GRIN2A: variants seen among roughly 807,000 people sequenced by gnomAD.
GRIN2A encodes glutamate receptor ionotropic, NMDA 2A.
A neutral mutation model predicts 113.4 loss-of-function variants in GRIN2A; 22 were observed. The ratio of observed to expected loss-of-function variants is 0.19; its 90% CI spans 0.14 to 0.28. The LOEUF (loss-of-function observed/expected upper bound fraction) is 0.28, where lower values mean the gene tolerates loss of function less well. Ranked by LOEUF, GRIN2A falls within the 10% of genes least tolerant of loss-of-function variation. The pLI is 1.00. For synonymous variants in GRIN2A, 827 were observed against 738.4 expected (o/e 1.12, Z -1.94); for missense variants, 1,502 against 1,887.0 (o/e 0.80, Z 3.78).
intron 2 of GRIN2A, among the ~76,000 whole-genome samples, chr16:10,035,666 T>C (rs534852645): frequency 6.6e-6 from 1 of 151,188 alleles, no homozygotes; most frequent in South Asian, 2.1e-4. Context: ...TCCCAAGTGA[T>C]GCTGATGCTG....
chr16:9,849,917 C>T lies in GRIN2A; in HGVS notation c.1167G>A (p.Val389=). The stretch of plus-strand genomic sequence containing the variant: ...CGGAGAAGGACTTGTACCTGGGCCA[C>T]ACGGCGTGCCTCAGGCTCAGCGTAT... ...ENHTLSLRHA[V]WPRYKSFSDC... Residue 389 remains valine (V), a synonymous_variant, in exon 5 of 13, where the codon GTG becomes GTA. Coordinates refer to ENST00000330684, the MANE Select transcript of GRIN2A (RefSeq NM_001134407.3). 2 of 1,614,092 alleles carry T rather than the reference C, an allele frequency of 1.2e-6. No individual in the cohort carries two copies. The highest frequency in any genetic ancestry group is 1.7e-6 in the Non-Finnish European group (2 of 1,179,988).
chr16:9,795,683 A>C (rs1219342300), intron 11 of GRIN2A, among the ~76,000 whole-genome samples: 1 of 152,148 alleles, frequency 6.6e-6, no homozygotes, highest in African/African-American at 2.4e-5. Context: ...TGCACTTTAC[A>C]TGTATTCTCC....
At chr16:9,990,935 C>T (rs941306740) in intron 2 of GRIN2A, among the ~76,000 whole-genome samples, 3 of 151,922 alleles carry the variant, frequency 2.0e-5, no homozygotes, top group East Asian at 1.9e-4. Flanking sequence ...GGCATGGTTG[C>T]GGGTACCTGT....
intron 2 of GRIN2A, among the ~76,000 whole-genome samples, chr16:10,015,407 T>A (rs2141880737): frequency 6.6e-6 from 1 of 152,126 alleles, no homozygotes; most frequent in East Asian, 1.9e-4. Context: ...CAGATCTAAG[T>A]ACAGAGACCT....
intron 2 of GRIN2A, among the ~76,000 whole-genome samples, chr16:10,078,290 G>C (rs1177913779): frequency 3.9e-5 from 6 of 151,998 alleles, no homozygotes; most frequent in Non-Finnish European, 7.4e-5. Context: ...CCAAGTGCCT[G>C]GAACCGTGCT....
intron 2 of GRIN2A, among the ~76,000 whole-genome samples, chr16:10,154,087 C>A (rs970387263): frequency 5.9e-5 from 9 of 152,296 alleles, no homozygotes; most frequent in Middle Eastern, 3.4e-3. Flanking sequence ...AGAGCCCTTT[C>A]CTGGCCCCTT....
chr16:9,825,867 C>A (rs2042378890), intron 9 of GRIN2A, among the ~76,000 whole-genome samples: 1 of 152,050 alleles, frequency 6.6e-6, no homozygotes, highest in Non-Finnish European at 1.5e-5. Flanking sequence ...TGCCTCAATT[C>A]CCTCCATTGG....
rs569675640 is a variant in GRIN2A at position 9,874,086 on chromosome 16, G to C, written c.1122+16900C>G. ...TTTTTTTCTCATGGGCATTTCCAACGGAGTCTTTCTTCACATCCAGGGAAG... is the reference window on the plus strand; with the variant it reads ...TTTTTTTCTCATGGGCATTTCCAACCGAGTCTTTCTTCACATCCAGGGAAG... On this transcript the variant is annotated intron_variant, in intron 4 of 12. Coordinates refer to ENST00000330684, the MANE Select transcript of GRIN2A (RefSeq NM_001134407.3). Among the ~76,000 whole-genome samples the C allele has an allele frequency of 5.3e-5, 8 of 152,160 alleles. 1 individual carries two copies. In the South Asian group the frequency reaches 1.7e-3, roughly 32 times the overall value.
At chr16:9,905,821 T>C (rs2044017578) in intron 3 of GRIN2A, among the ~76,000 whole-genome samples, 1 of 152,222 alleles carries the variant, frequency 6.6e-6, no homozygotes, top group Non-Finnish European at 1.5e-5. Flanking sequence ...TGAAAGTTGA[T>C]AGGTAAGACA....
At chr16:10,144,154 T>C (rs2049384212) in intron 2 of GRIN2A, among the ~76,000 whole-genome samples, 1 of 152,152 alleles carries the variant, frequency 6.6e-6, no homozygotes, top group Admixed American at 6.5e-5. Flanking sequence ...TGCTATTACT[T>C]TTAATTGCAA....
intron 2 of GRIN2A, among the ~76,000 whole-genome samples, chr16:10,072,227 A>G (rs2047766997): frequency 6.6e-6 from 1 of 152,172 alleles, no homozygotes; most frequent in South Asian, 2.1e-4. Flanking sequence ...GCTGGTAGGG[A>G]AATTGGAGGT....
intron 10 of GRIN2A, among the ~76,000 whole-genome samples, chr16:9,804,411 C>A (rs754467663): frequency 6.6e-6 from 1 of 151,958 alleles, no homozygotes; most frequent in Non-Finnish European, 1.5e-5. Context: ...CTAAGGGAAC[C>A]CATTTACTCT....
At chr16:9,875,813 T>C (rs1436421821) in intron 4 of GRIN2A, among the ~76,000 whole-genome samples, 1 of 152,190 alleles carries the variant, frequency 6.6e-6, no homozygotes, top group Non-Finnish European at 1.5e-5. Flanking sequence ...GGTCCTAACT[T>C]AGGTCTTTCA....
At chr16:9,946,921 CA>C (rs746692602) in intron 2 of GRIN2A, among the ~76,000 whole-genome samples, 6 of 152,216 alleles carry the variant, frequency 3.9e-5, no homozygotes, top group Admixed American at 6.5e-5. Context: ...CACCTGAAGA[CA>C]AATTCTCTTG....
At chr16:9,890,568 A>G (rs551742190) in intron 4 of GRIN2A, among the ~76,000 whole-genome samples, 2 of 152,372 alleles carry the variant, frequency 1.3e-5, no homozygotes, top group African/African-American at 2.4e-5. Flanking sequence ...TATTTAAAGC[A>G]AAAGACTGAG....
intron 4 of GRIN2A, among the ~76,000 whole-genome samples, chr16:9,858,882 G>A (rs1325187955): frequency 3.9e-5 from 6 of 152,284 alleles, no homozygotes; most frequent in East Asian, 1.9e-4. Flanking sequence ...ATAGATGTGC[G>A]TGGCTCTTTC....
At chr16:9,887,318 G>C (rs907831874) in intron 4 of GRIN2A, among the ~76,000 whole-genome samples, 1 of 152,240 alleles carries the variant, frequency 6.6e-6, no homozygotes, top group East Asian at 1.9e-4. Context: ...AAAATTCCCT[G>C]TGCCCCTGTC....
In GRIN2A at chr16:9,760,683, C is replaced by G. The variant is rs1900543968; in HGVS notation, c.*2466G>C. On this transcript the variant is annotated 3_prime_UTR_variant, in exon 13 of 13. Coordinates refer to ENST00000330684, the MANE Select transcript of GRIN2A (RefSeq NM_001134407.3). ...TATAACTCTCACTCTCCCTGGAGGT[C>G]TCTGTGGCATTTGGCAGCCCCCTGG... is the stretch of plus-strand genomic sequence containing the variant. 1 of 226,618 alleles carries G rather than the reference C, an allele frequency of 4.4e-6. No homozygotes were observed. The highest frequency in any genetic ancestry group is 2.2e-5 in the African/African-American group (1 of 44,974). The allele number at this position is 226,618 out of a possible 1,614,324, so 14.0% of individuals were successfully genotyped here.
intron 2 of GRIN2A, among the ~76,000 whole-genome samples, chr16:10,083,809 T>C (rs1048037492): frequency 1.3e-5 from 2 of 152,176 alleles, no homozygotes; most frequent in East Asian, 1.9e-4. Context: ...GGGACAAAAA[T>C]AGGCATTCAG....
Sources: allele counts gnomAD v4.1 joint callset (sites outside exome capture counted in the v4.1 genomes callset), GRCh38; gene constraint gnomAD v4.1.1; transcripts MANE v1.5; gene names NCBI Gene and HGNC (gene_info 2026-07-23, HGNC 2026-07-21).